The following DPP6 variants were observed in gnomAD, a reference collection of about 807,000 sequenced individuals.
DPP6 encodes dipeptidyl peptidase like 6.
Under a neutral mutation model 122.6 loss-of-function variants are expected in DPP6, and 69 were observed. The ratio of observed to expected loss-of-function variants is 0.56; its 90% CI spans 0.46 to 0.69. The LOEUF is 0.69. Ranked by LOEUF, DPP6 falls within the 30% of genes least tolerant of loss-of-function variation. The pLI is 0.00. For missense variants in DPP6, 928 were observed against 1,116.9 expected, an observed-to-expected ratio of 0.83 and a Z score of 2.41; for synonymous variants, 418 against 433.1, an observed-to-expected ratio of 0.97 and a Z score of 0.43.
intron 1 of DPP6, among the ~76,000 whole-genome samples, chr7:154,161,147 G>A (rs1236984575): frequency 1.3e-5 from 2 of 152,220 alleles, no homozygotes; most frequent in Non-Finnish European, 2.9e-5. Flanking sequence ...AACAACAGCA[G>A]ATAAAGCTGT....
At chr7:154,196,793 C>T (rs928763558) in intron 1 of DPP6, among the ~76,000 whole-genome samples, 1 of 152,166 alleles carries the variant, frequency 6.6e-6, no homozygotes, top group Non-Finnish European at 1.5e-5. Flanking sequence ...CCAAGCTCCC[C>T]AGGCTGGCTT....
the DPP6 span, among the ~76,000 whole-genome samples, chr7:153,832,113 A>T: frequency 2.3e-4 from 35 of 152,178 alleles, no homozygotes; most frequent in Non-Finnish European, 2.8e-4. Flanking sequence ...TGAGTGTATG[A>T]ACATACCATA....
In DPP6 at chr7:154,893,451, TTAAAAAAAAAAAAAA is replaced by T. The variant is rs1441582272; in HGVS notation, c.*972_*986del. On this transcript the variant is annotated 3_prime_UTR_variant, in exon 26 of 26. Transcript: ENST00000377770. Reference sequence around the variant, plus strand: ...CAAGCTCTTTCCCATGACATTTGGTTTAAAAAAAAAAAAAAAAAAAAAAAAAAAACAGAAAAAAGA... The same window carrying T: ...CAAGCTCTTTCCCATGACATTTGGTTAAAAAAAAAAAAAACAGAAAAAAGA... 24 of 61,334 alleles carry T rather than the reference TTAAAAAAAAAAAAAA, an allele frequency of 3.9e-4. 1 individual carries two copies. The highest frequency in any genetic ancestry group is 1.0e-3 in the African/African-American group (20 of 19,890). The allele number at this position is 61,334 out of a possible 1,614,324, so 3.8% of individuals were successfully genotyped here. A position where few individuals can be genotyped will look rare whatever the true frequency, so the allele number is the denominator to read the frequency against.
chr7:154,690,232 G>A (rs1285968470), intron 7 of DPP6, among the ~76,000 whole-genome samples: 1 of 152,188 alleles, frequency 6.6e-6, no homozygotes, highest in East Asian at 1.9e-4. Flanking sequence ...TTCCCAGGTT[G>A]TTATCACTCA....
chr7:154,133,418 G>A (rs1245201043), intron 1 of DPP6, among the ~76,000 whole-genome samples: 2 of 152,132 alleles, frequency 1.3e-5, no homozygotes, highest in Non-Finnish European at 2.9e-5. Flanking sequence ...GTTAGGAGAT[G>A]TGAAGACATT....
intron 1 of DPP6, among the ~76,000 whole-genome samples, chr7:153,891,141 C>A (rs990415020): frequency 6.6e-6 from 1 of 151,058 alleles, no homozygotes; most frequent in Non-Finnish European, 1.5e-5. Context: ...CCTGCCTCAG[C>A]CTCCCCAGTA....
In DPP6 at chr7:154,540,458, C is replaced by T. The variant is rs974883667; in HGVS notation, c.458-74C>T. ...TTTCAGAACTAGTGATTTTACTTTA[C>T]ATAAGCATTCGTCAAAAGTTGAGGA... On this transcript the variant is annotated intron_variant, in intron 3 of 25. Transcript: ENST00000377770. The T allele has an allele frequency of 1.1e-5, 10 of 918,552 alleles. No homozygotes were observed. The African/African-American group carries it at 1.3e-4, about 12-fold the overall frequency. The allele number at this position is 918,552 out of a possible 1,614,324, so 56.9% of individuals were successfully genotyped here.
intron 1 of DPP6, among the ~76,000 whole-genome samples, chr7:154,069,708 CTTCTTAA>C (rs1802981943): frequency 6.8e-6 from 1 of 146,606 alleles, no homozygotes; most frequent in African/African-American, 2.5e-5. Context: ...CAAGTGGCAT[CTTCTTAA>C]AGGTAGCTTT....
At chr7:153,939,613 T>C (rs2129016277) in intron 1 of DPP6, among the ~76,000 whole-genome samples, 1 of 152,344 alleles carries the variant, frequency 6.6e-6, no homozygotes, top group African/African-American at 2.4e-5. Flanking sequence ...ATGGTTTCAT[T>C]CATTTGCTTG....
Position 153,917,995 on chromosome 7 carries a change from C to A in DPP6, c.51+30261C>A, listed in dbSNP as rs78847241. On this transcript the variant is annotated intron_variant, in intron 1 of 25. Coordinates refer to the DPP6 transcript ENST00000404039. ...GATTATTTAGGATGTTTTCTGTCATCCTGGGGGATGTAGAATGTGTGTCTG... is the reference window on the plus strand; with the variant it reads ...GATTATTTAGGATGTTTTCTGTCATACTGGGGGATGTAGAATGTGTGTCTG... 9.7e-3 allele frequency among the ~76,000 whole-genome samples: 1,480 copies of A among 152,254 alleles called. 26 individuals are homozygous for A. Among genetic ancestry groups the A allele is most frequent in the African/African-American group, 0.033 (1,381 of 41,562 alleles).
the DPP6 span, among the ~76,000 whole-genome samples, chr7:153,773,333 T>TG: frequency 2.7e-5 from 4 of 147,538 alleles, no homozygotes; most frequent in African/African-American, 7.4e-5. Flanking sequence ...TATATATATT[T>TG]TTTTTTAAAG....
rs149143461 is a variant in DPP6 at position 154,468,908 on chromosome 7, G to T, written c.359-6031G>T. 9.6e-4 allele frequency among the ~76,000 whole-genome samples: 146 copies of T among 152,216 alleles called. 1 individual carries two copies. Among genetic ancestry groups the T allele is most frequent in the Admixed American group, 8.4e-3 (129 of 15,288 alleles). Reference sequence around the variant, plus strand: ...GAGACTTTTTATAGACATAAGTCTGGAGTATAACCATAAATAATATACTTT... The same window carrying T: ...GAGACTTTTTATAGACATAAGTCTGTAGTATAACCATAAATAATATACTTT... On this transcript the variant is annotated intron_variant, in intron 2 of 25. Coordinates refer to ENST00000377770, the MANE Select transcript of DPP6 (RefSeq NM_130797.4).
rs138632406 is a variant in DPP6 at position 154,585,817 on chromosome 7, A to T, written c.627+18901A>T. Among the ~76,000 whole-genome samples the T allele has an allele frequency of 2.8e-3, 420 of 152,280 alleles. 4 individuals are homozygous for T. The highest frequency in any genetic ancestry group is 9.5e-3 in the African/African-American group (394 of 41,546). The stretch of plus-strand genomic sequence containing the variant: ...ATCCTTGGTGGTTGAATTTGTGGAT[A>T]CAGATCTCACAATACTCAGGGCCGA... On this transcript the variant is annotated intron_variant, in intron 5 of 25. Transcript: ENST00000377770.
At chr7:154,857,484 T>G (rs543385493) in intron 17 of DPP6, among the ~76,000 whole-genome samples, 1 of 152,114 alleles carries the variant, frequency 6.6e-6, no homozygotes, top group Non-Finnish European at 1.5e-5. Flanking sequence ...AGCCTCCAGG[T>G]GTTTGCCATG....
At chr7:154,177,598 T>A (rs1410918271) in intron 1 of DPP6, among the ~76,000 whole-genome samples, 1 of 152,192 alleles carries the variant, frequency 6.6e-6, no homozygotes, top group Non-Finnish European at 1.5e-5. Flanking sequence ...CTCATTGGAA[T>A]ATGTGATGCT....
At chr7:154,641,460 G>C (rs2130941606) in intron 6 of DPP6, among the ~76,000 whole-genome samples, 1 of 152,254 alleles carries the variant, frequency 6.6e-6, no homozygotes, top group Middle Eastern at 3.4e-3. Flanking sequence ...TCAAGGATCT[G>C]TTAGGTGTTT....
the DPP6 span, among the ~76,000 whole-genome samples, chr7:153,798,576 C>T: frequency 6.6e-6 from 1 of 152,118 alleles, no homozygotes; most frequent in African/African-American, 2.4e-5. Context: ...GCAGCAGTCC[C>T]CAACATTTTT....
intron 2 of DPP6, among the ~76,000 whole-genome samples, chr7:154,451,867 T>C (rs768701): frequency 0.32 from 48,394 of 152,160 alleles, 8,669 homozygotes; most frequent in African/African-American, 0.48. Context: ...TGCCCTGGGA[T>C]GGGGTGTCCA....
At chr7:154,430,428 G>T (rs752487084) in intron 1 of DPP6, among the ~76,000 whole-genome samples, 1 of 152,158 alleles carries the variant, frequency 6.6e-6, no homozygotes, top group Non-Finnish European at 1.5e-5. Context: ...GCGTGGTCAG[G>T]TCTGGTTTGT....
Sources: allele counts gnomAD v4.1 joint callset (sites outside exome capture counted in the v4.1 genomes callset), GRCh38; gene constraint gnomAD v4.1.1; transcripts MANE v1.5; gene names NCBI Gene and HGNC (gene_info 2026-07-23, HGNC 2026-07-21).